TFEC: variants seen among roughly 807,000 people sequenced by gnomAD.
The protein encoded by TFEC is class E basic helix-loop-helix protein 34.
Under a neutral mutation model 41.6 loss-of-function variants are expected in TFEC, and 31 were observed. The ratio of observed to expected loss-of-function variants is 0.74; its 90% confidence interval spans 0.56 to 1.01. The LOEUF (loss-of-function observed/expected upper bound fraction) is 1.01, where lower values mean the gene tolerates loss of function less well. Among genes scored for constraint, TFEC ranks in the 50% least tolerant of loss-of-function variants. The pLI is 0.00. For synonymous variants in TFEC, 143 were observed against 140.6 expected (o/e 1.02, Z -0.12); for missense variants, 402 against 404.1 (o/e 0.99, Z 0.04).
rs182258261 is a variant in TFEC, at chr7:115,981,973, G to A, written c.180+2289C>T. On this transcript the variant is annotated intron_variant, in intron 2 of 7. Coordinates refer to ENST00000265440, the MANE Select transcript of TFEC (RefSeq NM_012252.4). ...AAGGGTTAAGTGCAGAAGGGTCCAT[G>A]TGCTATGGGTAGAAGTTTGAATTGT... Among the ~76,000 whole-genome samples, 17 of 152,306 alleles carry A rather than the reference G, an allele frequency of 1.1e-4. No individual in the cohort carries two copies. In the East Asian group the frequency reaches 3.3e-3, roughly 29 times the overall value.
intron 1 of TFEC, among the ~76,000 whole-genome samples, chr7:115,988,629 A>G (rs895960544): frequency 1.3e-5 from 2 of 152,114 alleles, no homozygotes; most frequent in Non-Finnish European, 2.9e-5. Context: ...AACCCAAGGG[A>G]AGAGAAAGGG....
At chr7:115,979,061 C>T (rs1024591695) in intron 2 of TFEC, among the ~76,000 whole-genome samples, 6 of 152,114 alleles carry the variant, frequency 3.9e-5, no homozygotes, top group South Asian at 2.1e-4. Context: ...CTCACTGATA[C>T]CACAGTTCAA....
chr7:115,947,612 C>G (rs1791669972), intron 6 of TFEC, among the ~76,000 whole-genome samples: 1 of 151,492 alleles, frequency 6.6e-6, no homozygotes. Context: ...GATTGCCATT[C>G]TAACTGGTGT....
At chr7:116,013,324 T>C (rs913235647) in intron 1 of TFEC, among the ~76,000 whole-genome samples, 2 of 152,128 alleles carry the variant, frequency 1.3e-5, no homozygotes, top group Non-Finnish European at 2.9e-5. Context: ...AGTTACATGG[T>C]TGTCATAGCT....
intron 6 of TFEC, among the ~76,000 whole-genome samples, chr7:115,944,866 A>G (rs1287653207): frequency 2.0e-5 from 3 of 151,386 alleles, no homozygotes; most frequent in African/African-American, 7.3e-5. Flanking sequence ...AAGATTTCAC[A>G]GGGCTTTCCT....
At chr7:115,975,912 G>T (rs1035347830) in intron 2 of TFEC, among the ~76,000 whole-genome samples, 2 of 152,106 alleles carry the variant, frequency 1.3e-5, no homozygotes, top group African/African-American at 4.8e-5. Context: ...GGTTAGAGAT[G>T]AAGTGGAAAA....
In TFEC at chr7:116,030,756, T is replaced by A. The variant is rs1209097930; in HGVS notation, c.-196A>T. 1.0e-6 allele frequency: 1 copy of A among 985,190 alleles called. No homozygotes were observed. The highest frequency in any genetic ancestry group is 1.1e-4 in the East Asian group (1 of 8,814). The allele number at this position is 985,190 out of a possible 1,614,324, so 61.0% of individuals were successfully genotyped here. ...CCAAAGTAAACGATCTAGCCGTGAG[T>A]AATGAATACTTTGGGCTGGTTGGAA... On this transcript the variant is annotated 5_prime_UTR_variant, in exon 1 of 8. Coordinates refer to ENST00000265440, the MANE Select transcript of TFEC (RefSeq NM_012252.4).
At chr7:116,140,167 T>C (rs1411026666) in intron 1 of TFEC, among the ~76,000 whole-genome samples, 1 of 152,126 alleles carries the variant, frequency 6.6e-6, no homozygotes, top group East Asian at 1.9e-4. Context: ...GTTTCAGTAA[T>C]AAAGGCCAAG....
At chr7:116,128,874 G>T (rs1337572790) in intron 1 of TFEC, among the ~76,000 whole-genome samples, 1 of 152,086 alleles carries the variant, frequency 6.6e-6, no homozygotes, top group Non-Finnish European at 1.5e-5. Flanking sequence ...TTTTTAGAAA[G>T]TCTAGAGGTA....
chr7:116,089,623 A>G (rs1353332765), intron 3 of TFEC, among the ~76,000 whole-genome samples: 3 of 152,086 alleles, frequency 2.0e-5, no homozygotes, highest in African/African-American at 7.2e-5. Flanking sequence ...ATATGTATAT[A>G]TAAAACCTCT....
At chr7:116,101,641 A>C (rs767686205) in intron 3 of TFEC, among the ~76,000 whole-genome samples, 3 of 151,924 alleles carry the variant, frequency 2.0e-5, no homozygotes, top group Non-Finnish European at 4.4e-5. Flanking sequence ...GAACCAGCAA[A>C]GAAATTTTCA....
At chr7:116,026,317 T>G (rs1474129134) in intron 1 of TFEC, among the ~76,000 whole-genome samples, 1 of 152,242 alleles carries the variant, frequency 6.6e-6, no homozygotes, top group Non-Finnish European at 1.5e-5. Flanking sequence ...TTTAAAGATA[T>G]GCTTCACCCA....
At chr7:115,956,030 C>T (rs897123161) in intron 4 of TFEC, among the ~76,000 whole-genome samples, 2 of 152,072 alleles carry the variant, frequency 1.3e-5, no homozygotes, top group Admixed American at 6.6e-5. Context: ...GAAACCCTTA[C>T]GTTGATCCAG....
intron 1 of TFEC, among the ~76,000 whole-genome samples, chr7:115,987,115 C>T (rs115554079): frequency 1.7e-3 from 253 of 152,058 alleles, no homozygotes; most frequent in African/African-American, 5.8e-3. Context: ...CTAATTCTCC[C>T]GAAATTATTG....
chr7:116,100,015 G>A (rs1409026062), intron 3 of TFEC, among the ~76,000 whole-genome samples: 3 of 152,124 alleles, frequency 2.0e-5, no homozygotes, highest in Non-Finnish European at 4.4e-5. Flanking sequence ...TAGATGGTAT[G>A]GGAAATTGAA....
At chr7:116,010,717 C>T (rs1794968747) in intron 1 of TFEC, among the ~76,000 whole-genome samples, 1 of 152,168 alleles carries the variant, frequency 6.6e-6, no homozygotes, top group Non-Finnish European at 1.5e-5. Context: ...CTTCTAATTA[C>T]ATATAGGAAA....
rs539590799 is a variant in TFEC at position 116,128,597 on chromosome 7, C to T, written c.-68-16559G>A. 4.2e-4 allele frequency among the ~76,000 whole-genome samples: 64 copies of T among 152,206 alleles called. 1 individual carries two copies. The South Asian group carries it at 0.012, about 29-fold the overall frequency. Reference sequence around the variant, plus strand: ...GCTAAACTAAAACTCTAGACTAGTGCTTCTCAAAGTATGATCATTTGATCT... The same window carrying T: ...GCTAAACTAAAACTCTAGACTAGTGTTTCTCAAAGTATGATCATTTGATCT... On this transcript the variant is annotated intron_variant, in intron 1 of 8. Transcript: ENST00000484212.
intron 3 of TFEC, among the ~76,000 whole-genome samples, chr7:116,047,265 G>C (rs1006259504): frequency 6.6e-6 from 1 of 152,178 alleles, no homozygotes; most frequent in African/African-American, 2.4e-5. Flanking sequence ...GGGAAGCCAT[G>C]ACAGAGGGTA....
intron 3 of TFEC, among the ~76,000 whole-genome samples, chr7:115,963,998 C>G (rs1792708585): frequency 6.6e-6 from 1 of 151,716 alleles, no homozygotes; most frequent in South Asian, 2.1e-4. Flanking sequence ...CCTATTTTCA[C>G]TACTTCTCTT....
Sources: gnomAD v4.1 joint callset for allele counts (sites outside exome capture counted in the v4.1 genomes callset) on GRCh38, gnomAD v4.1.1 for gene constraint, MANE v1.5 for transcripts, NCBI Gene and HGNC (gene_info 2026-07-23, HGNC 2026-07-21) for gene names.